Variants in STK32B observed in about 807,000 individuals in gnomAD.
STK32B encodes the protein serine/threonine kinase 32B, also known as serine/threonine-protein kinase 32B.
Under a neutral mutation model 52.6 loss-of-function variants are expected in STK32B, and 43 were observed. The observed-to-expected ratio is 0.82, with a 90% CI of 0.64 to 1.05. The LOEUF is 1.05. Among genes scored for constraint, STK32B ranks in the 50% least tolerant of loss-of-function variants. The pLI is 0.00. For synonymous variants in STK32B, 238 were observed against 204.3 expected (o/e 1.17, Z -1.41); for missense variants, 621 against 534.6 (o/e 1.16, Z -1.59).
chr4:5,279,277 A>T (rs995368431), intron 3 of STK32B, among the ~76,000 whole-genome samples: 12 of 152,144 alleles, frequency 7.9e-5, no homozygotes, highest in African/African-American at 2.9e-4. Context: ...AAATGCCCCT[A>T]TTCCAAAAGG....
At chr4:5,326,876 C>T (rs1370999998) in intron 3 of STK32B, among the ~76,000 whole-genome samples, 1 of 152,152 alleles carries the variant, frequency 6.6e-6, no homozygotes, top group Non-Finnish European at 1.5e-5. Context: ...GCAAGTGGTG[C>T]TGTTTGATAG....
chr4:5,168,120 ACTC>A (rs1300275723), intron 2 of STK32B, among the ~76,000 whole-genome samples, 176 bp from the exon 3 acceptor site: 1 of 152,006 alleles, frequency 6.6e-6, no homozygotes, highest in Non-Finnish European at 1.5e-5. Flanking sequence ...ATCTGGTCCA[ACTC>A]CTCCATTCTG....
chr4:5,413,118 G>C (rs1711846731), intron 5 of STK32B, among the ~76,000 whole-genome samples: 1 of 152,090 alleles, frequency 6.6e-6, no homozygotes, highest in Non-Finnish European at 1.5e-5. Context: ...CAAATGTCAT[G>C]TTCTCAGTTC....
intron 4 of STK32B, among the ~76,000 whole-genome samples, chr4:5,348,637 C>T (rs149317733): frequency 6.6e-5 from 10 of 152,194 alleles, no homozygotes; most frequent in African/African-American, 1.4e-4. Context: ...CAGCTGCTGC[C>T]GCTAACAGCA....
chr4:5,317,065 A>AAT lies in STK32B; in HGVS notation c.261-14150_261-14149dup, dbSNP rs1553871493. 1.7e-3 allele frequency among the ~76,000 whole-genome samples: 59 copies of AAT among 34,304 alleles called. 2 individuals are homozygous for AAT. The highest frequency in any genetic ancestry group is 2.2e-3 in the Non-Finnish European group (54 of 25,040). The allele number at this position is 34,304 out of a possible 152,430, so 22.5% of individuals were successfully genotyped here. The stretch of plus-strand genomic sequence containing the variant: ...ATTATATATATAATATATATGATAT[A>AAT]ATATATTATATATTATATATATAAT... On this transcript the variant is annotated intron_variant, in intron 3 of 11. Transcript: ENST00000282908.
At chr4:5,081,356 G>T (rs941589059) in intron 1 of STK32B, among the ~76,000 whole-genome samples, 1 of 151,920 alleles carries the variant, frequency 6.6e-6, no homozygotes, top group Non-Finnish European at 1.5e-5. Context: ...TCTTGTCTGG[G>T]TTCAACTACT....
chr4:5,292,047 T>C (rs1728925421), intron 3 of STK32B, among the ~76,000 whole-genome samples: 1 of 152,282 alleles, frequency 6.6e-6, no homozygotes, highest in Non-Finnish European at 1.5e-5. Flanking sequence ...TTCCATGCGA[T>C]AGGCAGCAAG....
At chr4:5,139,297 G>T (rs1453106585) in intron 1 of STK32B, among the ~76,000 whole-genome samples, 1 of 152,176 alleles carries the variant, frequency 6.6e-6, no homozygotes, top group Non-Finnish European at 1.5e-5. Context: ...TTGAGTTCAT[G>T]GTGGCTTTGG....
chr4:5,341,135 A>G (rs1733047856), intron 4 of STK32B, among the ~76,000 whole-genome samples: 2 of 152,176 alleles, frequency 1.3e-5, no homozygotes, highest in South Asian at 4.1e-4. Flanking sequence ...TTAACATACA[A>G]ATGAGCACAT....
intron 7 of STK32B, among the ~76,000 whole-genome samples, chr4:5,454,845 C>T (rs1042606972): frequency 2.6e-5 from 4 of 151,926 alleles, no homozygotes; most frequent in Admixed American, 1.3e-4. Context: ...TGGTGAAGTG[C>T]GAAGGGATCT....
intron 1 of STK32B, among the ~76,000 whole-genome samples, chr4:5,099,966 C>T (rs976738792): frequency 2.7e-5 from 4 of 150,398 alleles, no homozygotes; most frequent in East Asian, 1.9e-4. Context: ...TTGAGATGTT[C>T]GGATTTTAAA....
At chr4:5,272,472 T>C (rs1416232974) in intron 3 of STK32B, among the ~76,000 whole-genome samples, 4 of 145,716 alleles carry the variant, frequency 2.7e-5, no homozygotes, top group Non-Finnish European at 6.0e-5. Flanking sequence ...TTCTCTTTTT[T>C]GGTTGTGTCT....
chr4:5,158,823 C>A (rs1384296615), intron 2 of STK32B, among the ~76,000 whole-genome samples: 1 of 152,128 alleles, frequency 6.6e-6, no homozygotes, highest in Non-Finnish European at 1.5e-5. Flanking sequence ...TGGATTGGGG[C>A]CCACCCAAAG....
At chr4:5,352,505 G>A (rs1237327140) in intron 4 of STK32B, among the ~76,000 whole-genome samples, 1 of 151,706 alleles carries the variant, frequency 6.6e-6, no homozygotes, top group Non-Finnish European at 1.5e-5. Context: ...ATGGGGCAAA[G>A]CTGAAATCCT....
In STK32B at chr4:5,182,611, G is replaced by A. The variant is rs987662003; in HGVS notation, c.260+14161G>A. Among the ~76,000 whole-genome samples the A allele has an allele frequency of 2.6e-5, 4 of 151,984 alleles. No homozygotes were observed. The South Asian group carries it at 6.3e-4, about 24-fold the overall frequency. On this transcript the variant is annotated intron_variant, in intron 3 of 11. Transcript: ENST00000282908. ...TGAGTAGCTGGGACTACAGGTGGCC[G>A]CCACCATGCCTGGCTATTTGTATTT...
rs539144982 is a variant in STK32B, at chr4:5,334,816, G to A, written c.434+3423G>A. On this transcript the variant is annotated intron_variant, in intron 4 of 11. Coordinates refer to ENST00000282908, the MANE Select transcript of STK32B (RefSeq NM_018401.3). ...GTATATTGAACCAGCCTTGCATCCT[G>A]GGGATGAAGCCCACTTGATCATGGT... Among the ~76,000 whole-genome samples the A allele has an allele frequency of 2.0e-4, 31 of 151,830 alleles. No homozygotes were observed. The South Asian group carries it at 5.5e-3, about 27-fold the overall frequency.
At position 5,378,637 on chromosome 4, in the gene STK32B, G is replaced by T. The variant is rs12642358; in HGVS notation, c.435-19570G>T. Among the ~76,000 whole-genome samples the T allele has an allele frequency of 0.16, 24,660 of 152,036 alleles. 2,050 individuals carry two copies. Among genetic ancestry groups the T allele is most frequent in the Non-Finnish European group, 0.18 (12,488 of 67,972 alleles). On this transcript the variant is annotated intron_variant, in intron 4 of 11. Coordinates refer to ENST00000282908, the MANE Select transcript of STK32B (RefSeq NM_018401.3). The surrounding 1 kb of genome is among the most constrained non-coding windows in gnomAD (Gnocchi z 4.4). ...ATTTTTATGGGTACATAGTAGGTGT[G>T]TATATGTATGGGGTACATGAGATGT... is the stretch of plus-strand genomic sequence containing the variant.
chr4:5,202,272 C>G (rs1327602455), intron 3 of STK32B, among the ~76,000 whole-genome samples: 1 of 152,260 alleles, frequency 6.6e-6, no homozygotes, highest in Admixed American at 6.5e-5. Flanking sequence ...CTCTGTGTCT[C>G]ACATCCAAGG....
chr4:5,122,663 ACT>A (rs888354890), intron 1 of STK32B, among the ~76,000 whole-genome samples: 44 of 152,064 alleles, frequency 2.9e-4, no homozygotes, highest in African/African-American at 9.4e-4. Context: ...TCATTCATTC[ACT>A]CATTCATTTA....
Sources: gnomAD v4.1 joint callset for allele counts (sites outside exome capture counted in the v4.1 genomes callset) on GRCh38, gnomAD v4.1.1 for gene constraint, Gnocchi (gnomAD v3.1) non-coding constraint, MANE v1.5 for transcripts, NCBI Gene and HGNC (gene_info 2026-07-23, HGNC 2026-07-21) for gene names.